STRA8: variants seen among roughly 807,000 people sequenced by gnomAD.
STRA8 encodes the protein stimulated by retinoic acid 8.
STRA8 carries 18 observed loss-of-function variants against 37.1 expected under a neutral mutation model. The ratio of observed to expected loss-of-function variants is 0.48; its 90% CI spans 0.34 to 0.72. STRA8 has a LOEUF of 0.72. Among genes scored for constraint, STRA8 ranks in the 30% least tolerant of loss-of-function variants. The probability of loss-of-function intolerance (pLI) is 0.01; values close to 1 mark genes in which losing one functional copy is unlikely to be tolerated. For synonymous variants in STRA8, 168 were observed against 162.9 expected (o/e 1.03, Z -0.24); for missense variants, 357 against 410.4 (o/e 0.87, Z 1.13).
chr7:135,253,752 T>C (rs997866670), intron 7 of STRA8, among the ~76,000 whole-genome samples: 4 of 152,232 alleles, frequency 2.6e-5, no homozygotes, highest in African/African-American at 7.2e-5. Context: ...ACCTGTGGTC[T>C]TAGAGCCTGA....
At chr7:135,240,480 T>C in intron 1 of STRA8, 39 bp from the exon 2 acceptor site, 1 of 1,561,624 alleles carries the variant, frequency 6.4e-7, no homozygotes, top group South Asian at 1.2e-5. Flanking sequence ...GTATTTTTAT[T>C]ATCTAGGGCA....
chr7:135,253,532 A>G (rs539894808), intron 7 of STRA8, among the ~76,000 whole-genome samples: 1 of 152,332 alleles, frequency 6.6e-6, no homozygotes, highest in South Asian at 2.1e-4. Flanking sequence ...TGAGTTCTGC[A>G]AAGGGGGGTT....
At chr7:135,243,238 C>A (rs1832493954) in intron 3 of STRA8, 88 bp from the exon 4 acceptor site, 1 of 1,428,972 alleles carries the variant, frequency 7.0e-7, no homozygotes, top group Non-Finnish European at 9.8e-7. Context: ...GGGTCCCACC[C>A]ACAGCCCACC....
Position 135,251,868 on chromosome 7 carries a change from A to G in STRA8, c.952A>G (p.Ser318Gly), listed in dbSNP as rs141064963. The G allele has an allele frequency of 8.1e-6, 13 of 1,613,952 alleles. No individual in the cohort carries two copies. The African/African-American group carries it at 1.7e-4, about 22-fold the overall frequency. ...TGAGGTTCCGAGTACATCTAGCTCCAGGTGAGGAAGAGGGTGTGAGATAGC... is the reference window on the plus strand; with the variant it reads ...TGAGGTTCCGAGTACATCTAGCTCCGGGTGAGGAAGAGGGTGTGAGATAGC... ...KSEVPSTSSS[S>G]SVLASCNPEN... The change falls in exon 7 of 9, where the codon AGT becomes GGT. Residue 318 changes from serine to glycine, a missense_variant and splice_region_variant. Physicochemically the swap from Ser to Gly is moderately conservative, Grantham distance 56. Transcript: ENST00000662584.
At chr7:135,256,884 C>T (rs1256349292) in intron 8 of STRA8, among the ~76,000 whole-genome samples, 1 of 152,298 alleles carries the variant, frequency 6.6e-6, no homozygotes, top group South Asian at 2.1e-4. Context: ...GCTGCAAGAA[C>T]GGGCCCCAGA....
chr7:135,242,994 T>C, intron 3 of STRA8, 138 bp downstream of exon 3: 1 of 957,418 alleles, frequency 1.0e-6, no homozygotes, highest in Non-Finnish European at 1.6e-6. Flanking sequence ...GAACTGTGCT[T>C]GGGCCAATGT....
intron 7 of STRA8, among the ~76,000 whole-genome samples, chr7:135,252,128 A>C (rs2117821319): frequency 6.6e-6 from 1 of 151,856 alleles, no homozygotes; most frequent in South Asian, 2.1e-4. Context: ...CACTGCTACA[A>C]AGAACTACCT....
At chr7:135,238,722 T>C (rs536247245) in intron 1 of STRA8, among the ~76,000 whole-genome samples, 2 of 152,322 alleles carry the variant, frequency 1.3e-5, no homozygotes, top group East Asian at 1.9e-4. Flanking sequence ...AAAAAACCTA[T>C]ATTCTTCTGT....
chr7:135,245,899 T>C (rs764763853), intron 5 of STRA8, among the ~76,000 whole-genome samples: 2 of 151,912 alleles, frequency 1.3e-5, no homozygotes, highest in African/African-American at 4.8e-5. Flanking sequence ...GCTCTTACAG[T>C]AGGAAAGATG....
At chr7:135,252,281 G>A (rs927483948) in intron 7 of STRA8, among the ~76,000 whole-genome samples, 1 of 152,176 alleles carries the variant, frequency 6.6e-6, no homozygotes, top group Non-Finnish European at 1.5e-5. Context: ...ACAGGAGAGA[G>A]AGTGAAGGGG....
intron 1 of STRA8, 108 bp from the exon 2 acceptor site, chr7:135,240,411 C>T (rs1832443341): frequency 9.2e-7 from 1 of 1,084,566 alleles, no homozygotes; most frequent in Admixed American, 2.6e-5. Context: ...GGGGCCTTTA[C>T]TTGGGAAGGG....
At position 135,246,836 on chromosome 7, in the gene STRA8, T is replaced by C. The variant is rs1200057788; in HGVS notation, c.879+134T>C. On this transcript the variant is annotated intron_variant, in intron 6 of 8. Coordinates refer to ENST00000662584, the MANE Select transcript of STRA8 (RefSeq NM_001394401.1). This position sits in a 1 kb window ranked among gnomAD's most constrained non-coding sequence, Gnocchi z 5.4. ...CTGGCTCCCAAGGTCGGTTTCTGAT[T>C]TTCTTTTTTCTCTTTTTTTTTTTTT... The C allele has an allele frequency of 1.3e-5, 13 of 977,418 alleles. No individual in the cohort carries two copies. The allele number at this position is 977,418 out of a possible 1,614,324, so 60.5% of individuals were successfully genotyped here.
chr7:135,251,887 A>C lies in STRA8; in HGVS notation c.953+18A>C, dbSNP rs1832639472. ...AGCTCCAGGTGAGGAAGAGGGTGTG[A>C]GATAGCATGTGCCCCTGTGTGGGTG... On this transcript the variant is annotated intron_variant, in intron 7 of 8. Transcript: ENST00000662584. 6.2e-7 allele frequency: 1 copy of C among 1,613,062 alleles called. No individual in the cohort carries two copies. Among genetic ancestry groups the C allele is most frequent in the Non-Finnish European group, 8.5e-7 (1 of 1,179,210 alleles).
intron 6 of STRA8, among the ~76,000 whole-genome samples, chr7:135,249,337 A>G (rs1832607315): frequency 6.6e-6 from 1 of 152,182 alleles, no homozygotes; most frequent in Non-Finnish European, 1.5e-5. Context: ...TAATTCCAGC[A>G]TTTTGGGAGG....
intron 6 of STRA8, among the ~76,000 whole-genome samples, chr7:135,248,054 G>A (rs1455549988): frequency 6.6e-6 from 1 of 152,224 alleles, no homozygotes; most frequent in East Asian, 1.9e-4. Context: ...CCTTTGAGGA[G>A]ACGACATGCT....
intron 7 of STRA8, among the ~76,000 whole-genome samples, chr7:135,253,455 G>A (rs963440294): frequency 1.8e-4 from 27 of 152,200 alleles, no homozygotes; most frequent in Non-Finnish European, 3.5e-4. Context: ...CGGGGAGGGG[G>A]CTCTGGGGCA....
intron 5 of STRA8, among the ~76,000 whole-genome samples, 49 bp downstream of exon 5, chr7:135,245,576 C>T (rs1366304999): frequency 6.6e-6 from 1 of 152,070 alleles, no homozygotes; most frequent in South Asian, 2.1e-4. Flanking sequence ...GAGCTCCCTC[C>T]CATGGGGAAG....
Position 135,246,901 on chromosome 7 carries a change from G to A in STRA8, c.879+199G>A. On this transcript the variant is annotated intron_variant, in intron 6 of 8. Coordinates refer to ENST00000662584, the MANE Select transcript of STRA8 (RefSeq NM_001394401.1). This position sits in a 1 kb window ranked among gnomAD's most constrained non-coding sequence, Gnocchi z 5.4. ...GCTCTGTCGCCCAGGCTGGAGTGCA[G>A]TGGCGCGATCTCGGCTCACTGCAAG... The A allele has an allele frequency of 3.5e-6, 2 of 576,716 alleles. No homozygotes were observed. The highest frequency in any genetic ancestry group is 5.8e-6 in the Non-Finnish European group (2 of 346,872). The allele number at this position is 576,716 out of a possible 1,614,324, so 35.7% of individuals were successfully genotyped here.
At chr7:135,232,880 CT>C (rs1294489456), upstream of STRA8, among the ~76,000 whole-genome samples, 1 of 152,196 alleles carries the variant, frequency 6.6e-6, no homozygotes, top group Non-Finnish European at 1.5e-5. Context: ...TGTTTCACCC[CT>C]GCCTCAGGAG....
Sources: allele counts gnomAD v4.1 joint callset (sites outside exome capture counted in the v4.1 genomes callset), GRCh38; gene constraint gnomAD v4.1.1; non-coding constraint Gnocchi (gnomAD v3.1); transcripts MANE v1.5; gene names NCBI Gene and HGNC (gene_info 2026-07-23, HGNC 2026-07-21).